Variants in SCN11A observed in about 807,000 individuals in gnomAD.
SCN11A encodes the protein sodium voltage-gated channel alpha subunit 11, also known as sodium channel protein type 11 subunit alpha.
Under a neutral mutation model 162.2 loss-of-function variants are expected in SCN11A, and 122 were observed. The ratio of observed to expected loss-of-function variants is 0.75; its 90% CI spans 0.65 to 0.87. The LOEUF (loss-of-function observed/expected upper bound fraction) is 0.87. SCN11A is among the 40% of genes least tolerant of loss of function. The pLI, the probability that SCN11A is intolerant of heterozygous loss-of-function variation, is 0.00. For synonymous variants in SCN11A, 758 were observed against 751.5 expected (o/e 1.01, Z -0.14); for missense variants, 2,015 against 2,181.6 (o/e 0.92, Z 1.52).
chr3:38,851,916 A>G (rs1475738695), intron 28 of SCN11A, among the ~76,000 whole-genome samples: 1 of 152,192 alleles, frequency 6.6e-6, no homozygotes, highest in African/African-American at 2.4e-5. Context: ...TGAGAAAGTT[A>G]AGACTGAGAA....
chr3:38,948,663 G>A (rs1004155620), intron 5 of SCN11A, among the ~76,000 whole-genome samples: 1 of 152,220 alleles, frequency 6.6e-6, no homozygotes, highest in Non-Finnish European at 1.5e-5. Context: ...GGTCATGTGA[G>A]ATCATGGGTG....
intron 2 of SCN11A, among the ~76,000 whole-genome samples, chr3:38,965,248 G>A (rs556321001): frequency 3.9e-5 from 6 of 152,276 alleles, no homozygotes; most frequent in Middle Eastern, 3.4e-3. Context: ...CACTTAATAG[G>A]TGCTTAATAA....
At chr3:38,988,937 G>GT (rs1311182679) in intron 2 of SCN11A, among the ~76,000 whole-genome samples, 2 of 152,158 alleles carry the variant, frequency 1.3e-5, no homozygotes, top group Admixed American at 6.5e-5. Context: ...GCAGTATGTG[G>GT]TTTTTTAAAA....
At chr3:38,947,122 C>T (rs1434729761) in intron 5 of SCN11A, among the ~76,000 whole-genome samples, 1 of 152,088 alleles carries the variant, frequency 6.6e-6, no homozygotes, top group Non-Finnish European at 1.5e-5. Context: ...AGAGGAATAA[C>T]TGGGGAAAAG....
At chr3:38,973,894 T>TA (rs1484305985) in intron 2 of SCN11A, among the ~76,000 whole-genome samples, 1 of 152,204 alleles carries the variant, frequency 6.6e-6, no homozygotes, top group Non-Finnish European at 1.5e-5. Context: ...GAACAAGAAA[T>TA]AAAATCTCTC....
chr3:38,980,793 T>A (rs2030001333), intron 2 of SCN11A, among the ~76,000 whole-genome samples: 1 of 152,232 alleles, frequency 6.6e-6, no homozygotes, highest in Non-Finnish European at 1.5e-5. Flanking sequence ...TAGTCCTGAC[T>A]GATATCCAGG....
At position 38,896,897 on chromosome 3, in the gene SCN11A, G is replaced by C. The variant is rs999399367; in HGVS notation, c.2351C>G (p.Ser784Ter). ...TATGAAGACAATAACACACAATGATGATGATGCATTCGCTTCTTGCATACA... is the reference window on the plus strand; with the variant it reads ...TATGAAGACAATAACACACAATGATCATGATGCATTCGCTTCTTGCATACA... ...WECMQEANAS[S>*]SLCVIVFILI... is the part of the protein sequence containing the mutation. Residue 784 changes from serine to a stop codon, truncating the protein, a stop_gained, in exon 18 of 30, where the codon TCA (serine) becomes TGA (stop). Coordinates refer to ENST00000302328, the MANE Select transcript of SCN11A (RefSeq NM_001349253.2). LOFTEE classifies it high-confidence loss of function. 1.2e-6 allele frequency: 2 copies of C among 1,611,192 alleles called. No homozygotes were observed. The highest frequency in any genetic ancestry group is 1.7e-6 in the Non-Finnish European group (2 of 1,179,260).
At chr3:38,909,309 G>A (rs1053854264) in intron 12 of SCN11A, 115 bp from the exon 13 acceptor site, 1 of 890,598 alleles carries the variant, frequency 1.1e-6, no homozygotes, top group Non-Finnish European at 1.8e-6. Flanking sequence ...CAGCACTGGT[G>A]GGCTCAGTTG....
chr3:39,039,037 T>C (rs1364508127), intron 1 of SCN11A, among the ~76,000 whole-genome samples: 1 of 152,224 alleles, frequency 6.6e-6, no homozygotes, highest in African/African-American at 2.4e-5. Context: ...GAACTATTTT[T>C]TTTGCTTGAT....
intron 7 of SCN11A, among the ~76,000 whole-genome samples, chr3:38,931,892 G>A (rs965291411): frequency 1.3e-5 from 2 of 152,174 alleles, no homozygotes; most frequent in Admixed American, 1.3e-4. Context: ...TTCACAAGAA[G>A]CTTCTTATAT....
At chr3:38,983,377 G>C (rs2030127397) in intron 2 of SCN11A, among the ~76,000 whole-genome samples, 1 of 152,216 alleles carries the variant, frequency 6.6e-6, no homozygotes, top group African/African-American at 2.4e-5. Flanking sequence ...TTTGGGAGCT[G>C]AGGAAGGGTG....
intron 2 of SCN11A, among the ~76,000 whole-genome samples, chr3:38,997,986 T>G (rs1266133883): frequency 6.6e-6 from 1 of 152,206 alleles, no homozygotes; most frequent in Non-Finnish European, 1.5e-5. Flanking sequence ...ATAAATGTAT[T>G]AAATATCTAT....
intron 11 of SCN11A, 101 bp from the exon 12 acceptor site, chr3:38,910,308 C>A (rs775558729): frequency 1.9e-5 from 23 of 1,193,766 alleles, no homozygotes; most frequent in Non-Finnish European, 2.7e-5. Context: ...TGGGATCACA[C>A]CAGGAGCCCT....
At chr3:38,857,146 C>T (rs1281960895) in intron 28 of SCN11A, among the ~76,000 whole-genome samples, 1 of 152,004 alleles carries the variant, frequency 6.6e-6, no homozygotes, top group East Asian at 1.9e-4. Context: ...TGGATCCAAA[C>T]CAAGAAGAAA....
chr3:38,865,240 T>C (rs1245589082), intron 27 of SCN11A, among the ~76,000 whole-genome samples: 2 of 152,170 alleles, frequency 1.3e-5, no homozygotes, highest in African/African-American at 4.8e-5. Flanking sequence ...TAATAAAAAG[T>C]AAAACAAGAC....
intron 2 of SCN11A, among the ~76,000 whole-genome samples, chr3:38,970,232 C>T (rs2066808820): frequency 6.6e-6 from 1 of 152,192 alleles, no homozygotes. Context: ...ACCTCAATTT[C>T]CTGCCATCTT....
chr3:38,886,236 G>C lies in SCN11A; in HGVS notation c.2838C>G (p.Ala946=), dbSNP rs2065398703. The C allele has an allele frequency of 1.2e-6, 2 of 1,604,512 alleles. No individual in the cohort carries two copies. Among genetic ancestry groups the C allele is most frequent in the Middle Eastern group, 2.0e-4 (1 of 5,006 alleles). The change falls in exon 20 of 30, where the codon GCC becomes GCG. Residue 946 remains alanine (A), a splice_region_variant and synonymous_variant. Transcript: ENST00000302328. ...TCTTGTTCTCCTGATGGAGCTCATA[G>C]GCCTAACACAGAGAGCCCAGAATAG... ...RITQPEPEQQ[A]YELHQENKKP... is the part of the protein sequence containing the mutation.
chr3:39,024,138 T>C (rs1453883458), intron 2 of SCN11A, among the ~76,000 whole-genome samples: 1 of 152,254 alleles, frequency 6.6e-6, no homozygotes, highest in Non-Finnish European at 1.5e-5. Context: ...AACAGATTCA[T>C]TTAGTCAAAG....
chr3:38,980,925 C>A (rs1363046551), intron 2 of SCN11A, among the ~76,000 whole-genome samples: 2 of 152,084 alleles, frequency 1.3e-5, no homozygotes, highest in African/African-American at 4.8e-5. Context: ...TTTTTAAAAC[C>A]ACAACTTACA....
Sources: allele counts gnomAD v4.1 joint callset (sites outside exome capture counted in the v4.1 genomes callset), GRCh38; gene constraint gnomAD v4.1.1; transcripts MANE v1.5; gene names NCBI Gene and HGNC (gene_info 2026-07-23, HGNC 2026-07-21).